The following PRKCG variants were observed in gnomAD, a reference collection of about 807,000 sequenced individuals.
PRKCG encodes the protein protein kinase C gamma, also known as protein kinase C gamma type.
A neutral mutation model predicts 82.0 loss-of-function variants in PRKCG; 28 were observed. That is an observed-to-expected ratio of 0.34 (90% confidence interval 0.25 to 0.47). PRKCG has a LOEUF of 0.47. PRKCG is among the 20% of genes least tolerant of loss of function. PRKCG has a pLI of 1.00. For synonymous variants in PRKCG, 383 were observed against 376.6 expected (o/e 1.02, Z -0.20); for missense variants, 640 against 952.7 (o/e 0.67, Z 4.32).
At chr19:53,881,153 C>T (rs1360696629), upstream of PRKCG, among the ~76,000 whole-genome samples, 1 of 147,778 alleles carries the variant, frequency 6.8e-6, no homozygotes, top group East Asian at 2.0e-4. Flanking sequence ...GAGAGATCAA[C>T]AGAGCCAGAG....
chr19:53,886,012 A>G (rs2068628744), intron 3 of PRKCG, among the ~76,000 whole-genome samples: 1 of 150,462 alleles, frequency 6.6e-6, no homozygotes, highest in Non-Finnish European at 1.5e-5. Context: ...CAGTGAGCCA[A>G]GATCACGCCA....
At chr19:53,893,278 A>T in intron 8 of PRKCG, 84 bp from the exon 9 acceptor site, 1 of 1,461,338 alleles carries the variant, frequency 6.8e-7, no homozygotes, top group Non-Finnish European at 9.6e-7. Context: ...CCATGGCTTG[A>T]GGGTACTAGG....
chr19:53,883,738 T>C lies in PRKCG; in HGVS notation c.203-423T>C, dbSNP rs1300682311. ...CCGGCAGCAGCGCCCCCAGACTCAC[T>C]TCTGCCCAAGTTGCTGCTTCCTGGG... is the stretch of plus-strand genomic sequence containing the variant. On this transcript the variant is annotated intron_variant, in intron 2 of 17. Transcript: ENST00000263431. The surrounding 1 kb of genome is among the most constrained non-coding windows in gnomAD (Gnocchi z 5.4). Among the ~76,000 whole-genome samples the C allele has an allele frequency of 6.6e-6, 1 of 152,170 alleles. No individual in the cohort carries two copies. Among genetic ancestry groups the C allele is most frequent in the Non-Finnish European group, 1.5e-5 (1 of 68,018 alleles).
chr19:53,891,219 G>A (rs1445190527), intron 5 of PRKCG, among the ~76,000 whole-genome samples: 1 of 151,916 alleles, frequency 6.6e-6, no homozygotes, highest in East Asian at 1.9e-4. Flanking sequence ...TCTATGCCCT[G>A]TCTTCTGGGT....
At chr19:53,891,646 G>A (rs368992942) in intron 5 of PRKCG, 28 bp from the exon 6 acceptor site, 12 of 1,612,356 alleles carry the variant, frequency 7.4e-6, no homozygotes, top group East Asian at 2.2e-5. Flanking sequence ...TCTCTAACCC[G>A]TCACACTCTT....
At chr19:53,905,995 GTCTC>G (rs1267413541) in intron 16 of PRKCG, among the ~76,000 whole-genome samples, 1 of 97,404 alleles carries the variant, frequency 1.0e-5, no homozygotes, top group Non-Finnish European at 1.9e-5. Flanking sequence ...TCTCCTCTCT[GTCTC>G]TCTCTGTCTC....
At position 53,900,377 on chromosome 19, in the gene PRKCG, A is replaced by G; in HGVS notation, c.1374-42A>G. On this transcript the variant is annotated intron_variant, in intron 12 of 17. Coordinates refer to ENST00000263431, the MANE Select transcript of PRKCG (RefSeq NM_002739.5). This position sits in a 1 kb window ranked among gnomAD's most constrained non-coding sequence, Gnocchi z 4.2. ...GGGGTGGTGGAAGGGGGCAGGATCC[A>G]GCCACTGACCTTCTGACGTCCCCAC... 1 of 1,614,042 alleles carries G rather than the reference A, an allele frequency of 6.2e-7. No individual in the cohort carries two copies.
In PRKCG at chr19:53,898,568, C is replaced by T. The variant is rs763758051; in HGVS notation, c.1221C>T (p.Gly407=). 6 of 1,611,806 alleles carry T rather than the reference C, an allele frequency of 3.7e-6. No homozygotes were observed. In the African/African-American group the frequency reaches 6.7e-5, roughly 18 times the overall value. ...LVEKRVLALG[G]RGPGGRPHFL... is the part of the protein sequence containing the mutation. ...AGAAACGTGTGCTGGCGCTGGGGGGCCGGGGTCCTGGCGGCCGGCCCCACT... is the reference window on the plus strand; with the variant it reads ...AGAAACGTGTGCTGGCGCTGGGGGGTCGGGGTCCTGGCGGCCGGCCCCACT... The change falls in exon 11 of 18, where the codon GGC becomes GGT. Residue 407 remains glycine (G), a synonymous_variant. Coordinates refer to ENST00000263431, the MANE Select transcript of PRKCG (RefSeq NM_002739.5).
Position 53,897,946 on chromosome 19 carries a change from C to T in PRKCG, c.940-13C>T, listed in dbSNP as rs1464712250. 12 of 1,614,068 alleles carry T rather than the reference C, an allele frequency of 7.4e-6. No homozygotes were observed. Among genetic ancestry groups the T allele is most frequent in the Admixed American group, 3.3e-5 (2 of 60,008 alleles). On this transcript the variant is annotated splice_polypyrimidine_tract_variant and intron_variant, in intron 9 of 17. Coordinates refer to ENST00000263431, the MANE Select transcript of PRKCG (RefSeq NM_002739.5). ...TCTAACTGCCTCTGGCTCTTTCTTT[C>T]TCCTTTCCACAGCGGGTGCGGATGG...
chr19:53,906,269 C>T lies in PRKCG; in HGVS notation c.1765-48C>T, dbSNP rs371147821. The T allele has an allele frequency of 9.9e-5, 154 of 1,549,946 alleles. No individual in the cohort carries two copies. The African/African-American group carries it at 1.2e-3, about 12-fold the overall frequency. ...CCCTCTTTCTCTGGGTCTACCTGTCCGGCACTCTGTCTGTTTGTCTGTCTG... is the reference window on the plus strand; with the variant it reads ...CCCTCTTTCTCTGGGTCTACCTGTCTGGCACTCTGTCTGTTTGTCTGTCTG... On this transcript the variant is annotated intron_variant, in intron 16 of 17. Coordinates refer to ENST00000263431, the MANE Select transcript of PRKCG (RefSeq NM_002739.5).
Position 53,907,184 on chromosome 19 carries a change from C to T in PRKCG, c.*289C>T, listed in dbSNP as rs2068820744. On this transcript the variant is annotated 3_prime_UTR_variant, in exon 18 of 18. Transcript: ENST00000263431. ...TCGGGTCCAGAGACCACACCACTAA[C>T]CATCCCCAACTCCATGGGGTTCGAG... is the stretch of plus-strand genomic sequence containing the variant. The T allele has an allele frequency of 1.8e-6, 1 of 566,486 alleles. No individual in the cohort carries two copies. The highest frequency in any genetic ancestry group is 1.9e-5 in the African/African-American group (1 of 53,062). 35.1% of individuals were successfully genotyped at this position (566,486 alleles called of 1,614,324 possible).
At chr19:53,896,392 A>C (rs1242621537) in intron 9 of PRKCG, among the ~76,000 whole-genome samples, 1 of 138,074 alleles carries the variant, frequency 7.2e-6, no homozygotes, top group East Asian at 2.5e-4. Flanking sequence ...TATTATTATT[A>C]TTATTATTAT....
intron 5 of PRKCG, among the ~76,000 whole-genome samples, chr19:53,891,443 ATT>A (rs11378432): frequency 3.5e-5 from 5 of 142,156 alleles, no homozygotes; most frequent in Admixed American, 7.0e-5. Context: ...CGCCCAGCTA[ATT>A]TTTTTTTTTT....
chr19:53,893,258 C>A (rs528655811), intron 8 of PRKCG, 104 bp from the exon 9 acceptor site: 1 of 1,379,776 alleles, frequency 7.2e-7, no homozygotes, highest in African/African-American at 1.4e-5. Flanking sequence ...ATTATAGTTC[C>A]TATCTATCGC....
At chr19:53,887,552 C>T (rs1328394979) in intron 3 of PRKCG, among the ~76,000 whole-genome samples, 1 of 130,654 alleles carries the variant, frequency 7.7e-6, no homozygotes, top group African/African-American at 2.9e-5. Flanking sequence ...ATGCCTTGAC[C>T]AGGCATGGTG....
In PRKCG at chr19:53,906,414, G is replaced by C. The variant is rs367543218; in HGVS notation, c.1862G>C (p.Arg621Pro). 3 of 1,572,702 alleles carry C rather than the reference G, an allele frequency of 1.9e-6. No homozygotes were observed. The highest frequency in any genetic ancestry group is 2.6e-6 in the Non-Finnish European group (3 of 1,158,272). The change falls in exon 17 of 18, where the codon CGG (arginine) becomes CCG (proline). Residue 621 changes from arginine to proline, a missense_variant. By Grantham distance (103) the Arg-to-Pro change is moderately radical (BLOSUM62 -2). Transcript: ENST00000263431. ...TTTTTCCGCTGGATTGACTGGGAGC[G>C]GCTGGAACGATTGGAGATCCCGCCT... ...HGFFRWIDWE[R>P]LERLEIPPPF... is the part of the protein sequence containing the mutation.
Position 53,907,101 on chromosome 19 carries a change from A to G in PRKCG, c.*206A>G. On this transcript the variant is annotated 3_prime_UTR_variant, in exon 18 of 18. Transcript: ENST00000263431. ...CAGCCTCTACAGCCGTCCCGCGTTC[A>G]AGACTTGAGCGGAGCCCGATATTCT... 3 of 1,222,916 alleles carry G rather than the reference A, an allele frequency of 2.5e-6. No individual in the cohort carries two copies. Among genetic ancestry groups the G allele is most frequent in the Non-Finnish European group, 3.4e-6 (3 of 892,370 alleles). 75.8% of individuals were successfully genotyped at this position (1,222,916 alleles called of 1,614,324 possible).
In PRKCG at chr19:53,891,668, G is replaced by T. The variant is rs375941615; in HGVS notation, c.530-6G>T. On this transcript the variant is annotated splice_polypyrimidine_tract_variant and splice_region_variant and intron_variant, in intron 5 of 17. Coordinates refer to ENST00000263431, the MANE Select transcript of PRKCG (RefSeq NM_002739.5). ...CCCGTCACACTCTTCCTCACTCCCC[G>T]TTTAGTTGGCGAGGCCCGTAACCTA... 2.5e-6 allele frequency: 4 copies of T among 1,613,598 alleles called. No individual in the cohort carries two copies. Among genetic ancestry groups the T allele is most frequent in the South Asian group, 2.2e-5 (2 of 91,076 alleles).
Position 53,887,497 on chromosome 19 carries a change from CAAAAAAAAAAAAAAAAA to C in PRKCG, c.286-2119_286-2103del, listed in dbSNP as rs71189894. On this transcript the variant is annotated intron_variant, in intron 3 of 17. Transcript: ENST00000263431. ...GGGCAGCAAGAACAAAACTCTGTCT[CAAAAAAAAAAAAAAAAA>C]AAAAAAAAAAAAAAAAAAAAAGGTA... Among the ~76,000 whole-genome samples, 49 of 14,716 alleles carry C rather than the reference CAAAAAAAAAAAAAAAAA, an allele frequency of 3.3e-3. 3 individuals carry two copies. Among genetic ancestry groups the C allele is most frequent in the African/African-American group, 7.7e-3 (41 of 5,356 alleles). The allele number at this position is 14,716 out of a possible 152,430, so 9.7% of individuals were successfully genotyped here. A position where few individuals can be genotyped will look rare whatever the true frequency, so the allele number is the denominator to read the frequency against.
Sources: gnomAD v4.1 joint callset for allele counts (sites outside exome capture counted in the v4.1 genomes callset) on GRCh38, gnomAD v4.1.1 for gene constraint, Gnocchi (gnomAD v3.1) non-coding constraint, MANE v1.5 for transcripts, NCBI Gene and HGNC (gene_info 2026-07-23, HGNC 2026-07-21) for gene names.